Variants in TEX14 observed in about 807,000 individuals in gnomAD.
TEX14 encodes inactive serine/threonine-protein kinase TEX14.
In TEX14, 168 loss-of-function variants were observed where a neutral mutation model predicts 178.6. The ratio of observed to expected loss-of-function variants is 0.94; its 90% CI spans 0.83 to 1.07. TEX14 has a LOEUF of 1.07. Ranked by LOEUF, TEX14 falls within the 50% of genes least tolerant of loss-of-function variation. The pLI, the probability that TEX14 is intolerant of heterozygous loss-of-function variation, is 0.00. For missense variants in TEX14, 1,730 were observed against 1,753.6 expected (o/e 0.99, Z 0.24); for synonymous variants, 626 against 634.1 (o/e 0.99, Z 0.19).
chr17:58,559,615 A>T, intron 29 of TEX14, 53 bp from the exon 30 acceptor site: 1 of 828,388 alleles, frequency 1.2e-6, no homozygotes, highest in Non-Finnish European at 2.1e-6. Context: ...AGCCAAGAAA[A>T]CAGGACTGTA....
chr17:58,580,477 A>C (rs1164411898), intron 19 of TEX14, among the ~76,000 whole-genome samples: 1 of 151,926 alleles, frequency 6.6e-6, no homozygotes, highest in East Asian at 1.9e-4. Context: ...GCGCCCGGTT[A>C]ATTTTTGTAT....
chr17:58,680,133 A>G (rs1203827190), intron 1 of TEX14, among the ~76,000 whole-genome samples: 1 of 151,918 alleles, frequency 6.6e-6, no homozygotes, highest in East Asian at 1.9e-4. Context: ...AGGCTGGGGT[A>G]CAGTAGTTAT....
At chr17:58,603,294 C>T (rs1458217524) in intron 11 of TEX14, among the ~76,000 whole-genome samples, 2 of 151,986 alleles carry the variant, frequency 1.3e-5, no homozygotes, top group African/African-American at 2.4e-5. Context: ...GTGGCTCACG[C>T]CTGTAATCCT....
chr17:58,690,984 G>A (rs779235516), intron 1 of TEX14, among the ~76,000 whole-genome samples: 9 of 152,114 alleles, frequency 5.9e-5, no homozygotes, highest in Non-Finnish European at 1.3e-4. Context: ...CTTCTGAGTA[G>A]CTGGGACGAC....
intron 24 of TEX14, among the ~76,000 whole-genome samples, chr17:58,570,963 A>G (rs2044510516): frequency 6.6e-6 from 1 of 151,834 alleles, no homozygotes; most frequent in Non-Finnish European, 1.5e-5. Context: ...CCTCCTCAGC[A>G]CTCAGTACTT....
chr17:58,652,819 T>C (rs184163529), intron 1 of TEX14, among the ~76,000 whole-genome samples: 87 of 152,366 alleles, frequency 5.7e-4, no homozygotes, highest in Middle Eastern at 3.4e-3. Context: ...GTTCAGACTC[T>C]GAAACTGTCT....
intron 1 of TEX14, among the ~76,000 whole-genome samples, chr17:58,656,995 G>A (rs746897405): frequency 1.6e-4 from 24 of 151,330 alleles, no homozygotes; most frequent in Non-Finnish European, 3.2e-4. Context: ...TGTTTTTAGA[G>A]GTGGGATCTT....
intron 2 of TEX14, among the ~76,000 whole-genome samples, chr17:58,637,286 C>G (rs1429454281): frequency 6.6e-6 from 1 of 152,168 alleles, no homozygotes; most frequent in Non-Finnish European, 1.5e-5. Flanking sequence ...TGCCTGTTCC[C>G]TGACGTAGAG....
intron 8 of TEX14, 119 bp from the exon 9 acceptor site, chr17:58,613,663 CTTTTCTTTTT>C (rs1336076645): frequency 4.4e-6 from 5 of 1,140,956 alleles, no homozygotes; most frequent in African/African-American, 1.6e-5. Flanking sequence ...GTTTTCTTTT[CTTTTCTTTTT>C]TTTTTGACAC....
At chr17:58,632,525 C>G (rs571787943) in intron 2 of TEX14, among the ~76,000 whole-genome samples, 51 of 152,168 alleles carry the variant, frequency 3.4e-4, no homozygotes, top group Non-Finnish European at 6.2e-4. Flanking sequence ...ACAACATATT[C>G]CCCTGGTTTA....
intron 11 of TEX14, among the ~76,000 whole-genome samples, chr17:58,602,984 T>A (rs1360585403): frequency 6.6e-6 from 1 of 151,716 alleles, no homozygotes; most frequent in Non-Finnish European, 1.5e-5. Flanking sequence ...GAGAATCGCT[T>A]GAACCCGGGA....
intron 1 of TEX14, among the ~76,000 whole-genome samples, chr17:58,653,178 C>T (rs1043785753): frequency 5.9e-5 from 9 of 152,118 alleles, no homozygotes; most frequent in Admixed American, 1.3e-4. Flanking sequence ...CCTTGTGATC[C>T]GCCTGCCTCA....
intron 2 of TEX14, among the ~76,000 whole-genome samples, chr17:58,632,208 CAA>C (rs928569677): frequency 6.6e-5 from 10 of 152,164 alleles, no homozygotes; most frequent in Admixed American, 3.3e-4. Flanking sequence ...CGAGAATAAC[CAA>C]AGAGTGAAGG....
intron 2 of TEX14, chr17:58,631,195 C>CT: frequency 1.0e-6 from 1 of 970,060 alleles, no homozygotes; most frequent in Non-Finnish European, 1.2e-6. Context: ...GGCGCAGTGG[C>CT]TCACGCCTGT....
At chr17:58,557,654 A>G in intron 31 of TEX14, 145 bp downstream of exon 31, 2 of 608,966 alleles carry the variant, frequency 3.3e-6, no homozygotes, top group Non-Finnish European at 5.7e-6. Flanking sequence ...AACTATAAAC[A>G]CTAACATTTT....
chr17:58,570,768 G>A (rs2044505416), intron 24 of TEX14, among the ~76,000 whole-genome samples: 1 of 151,814 alleles, frequency 6.6e-6, no homozygotes. Flanking sequence ...TGGGATTACA[G>A]GTGTGTACCA....
Position 58,617,629 on chromosome 17 carries a change from T to C in TEX14, c.555-10A>G, listed in dbSNP as rs1287154132. The C allele has an allele frequency of 2.5e-6, 4 of 1,603,414 alleles. No individual in the cohort carries two copies. In the African/African-American group the frequency reaches 5.4e-5, roughly 22 times the overall value. ...AGAGCCATTAGGGTTTCTAGAAATA[T>C]TTAAAACAGGAAAAAAACCTCAGAA... On this transcript the variant is annotated splice_polypyrimidine_tract_variant and intron_variant, in intron 5 of 31. Coordinates refer to ENST00000349033, the MANE Select transcript of TEX14 (RefSeq NM_031272.5).
At chr17:58,570,682 G>T (rs2044503738) in intron 24 of TEX14, among the ~76,000 whole-genome samples, 198 bp from the exon 25 acceptor site, 1 of 142,282 alleles carries the variant, frequency 7.0e-6, no homozygotes, top group Non-Finnish European at 1.5e-5. Flanking sequence ...CTGGAGTGCA[G>T]TGGCACAATC....
At chr17:58,563,628 T>A (rs1426012496) in intron 28 of TEX14, among the ~76,000 whole-genome samples, 2 of 7,972 alleles carry the variant, frequency 2.5e-4, no homozygotes, top group Non-Finnish European at 3.9e-4. Flanking sequence ...AATTTATATA[T>A]ATATATATAT....
Sources: gnomAD v4.1 joint callset for allele counts (sites outside exome capture counted in the v4.1 genomes callset) on GRCh38, gnomAD v4.1.1 for gene constraint, MANE v1.5 for transcripts, NCBI Gene and HGNC (gene_info 2026-07-23, HGNC 2026-07-21) for gene names.